The following SYT9 variants were observed in gnomAD, a reference collection of about 807,000 sequenced individuals.
SYT9 encodes synaptotagmin 9, also known as synaptotagmin-9.
Under a neutral mutation model 48.4 loss-of-function variants are expected in SYT9, and 22 were observed. The observed-to-expected ratio is 0.45, with a 90% confidence interval of 0.32 to 0.65. The LOEUF is 0.65. Ranked by LOEUF, SYT9 falls within the 30% of genes least tolerant of loss-of-function variation. SYT9 has a pLI of 0.03. For missense variants in SYT9, 577 were observed against 622.0 expected (o/e 0.93, Z 0.77); for synonymous variants, 265 against 245.0 (o/e 1.08, Z -0.76).
intron 1 of SYT9, among the ~76,000 whole-genome samples, chr11:7,262,701 C>T (rs76017513): frequency 0.021 from 3,231 of 152,138 alleles, 50 homozygotes; most frequent in Non-Finnish European, 0.033. Context: ...ACTGGGCACT[C>T]ACCATTGCAG....
intron 3 of SYT9, among the ~76,000 whole-genome samples, chr11:7,377,032 C>G (rs1396241158): frequency 6.7e-6 from 1 of 148,930 alleles, no homozygotes; most frequent in African/African-American, 2.5e-5. Flanking sequence ...TCTCCTTTAT[C>G]TAGTATGTAG....
intron 6 of SYT9, chr11:7,440,994 A>G (rs1377409066): frequency 6.6e-6 from 1 of 152,256 alleles, no homozygotes; most frequent in Non-Finnish European, 1.5e-5. Context: ...CCAGTGATTC[A>G]CAGGAGATAA....
At chr11:7,312,313 A>G (rs369403887) in intron 2 of SYT9, among the ~76,000 whole-genome samples, 1 of 152,192 alleles carries the variant, frequency 6.6e-6, no homozygotes, top group African/African-American at 2.4e-5. Context: ...GGGCAAATTC[A>G]AATGTTTACT....
chr11:7,334,634 C>CTCGCTGCCAACCATCCCCCCAA (rs760477407), intron 3 of SYT9, among the ~76,000 whole-genome samples: 1 of 139,936 alleles, frequency 7.1e-6, no homozygotes, highest in Non-Finnish European at 1.6e-5. Context: ...CCTGCCTCCA[C>CTCGCTGCCAACCATCCCCCCAA]TCCCTGCCAC....
At chr11:7,452,301 G>A (rs1455110601) in intron 6 of SYT9, among the ~76,000 whole-genome samples, 1 of 152,064 alleles carries the variant, frequency 6.6e-6, no homozygotes, top group Non-Finnish European at 1.5e-5. Flanking sequence ...GAATGTCCTG[G>A]CTCCCAGAGG....
At chr11:7,385,902 A>C (rs1391465950) in intron 3 of SYT9, among the ~76,000 whole-genome samples, 1 of 152,196 alleles carries the variant, frequency 6.6e-6, no homozygotes, top group African/African-American at 2.4e-5. Flanking sequence ...AATTAGAATC[A>C]GTCTGTCAAG....
chr11:7,385,585 A>G (rs534609450), intron 3 of SYT9, among the ~76,000 whole-genome samples: 1 of 152,248 alleles, frequency 6.6e-6, no homozygotes, highest in Non-Finnish European at 1.5e-5. Context: ...TAATCTGTAT[A>G]CCAAATCCCC....
chr11:7,257,465 C>T lies in SYT9; in HGVS notation c.145+5134C>T, dbSNP rs544931614. The stretch of plus-strand genomic sequence containing the variant: ...ATATAGAACCTTCACAAATGTCACC[C>T]TATGTTAAATTATAATGAAGTCACT... On this transcript the variant is annotated intron_variant, in intron 1 of 6. Transcript: ENST00000318881. Among the ~76,000 whole-genome samples, 222 of 151,896 alleles carry T rather than the reference C, an allele frequency of 1.5e-3. 1 individual carries two copies. In the South Asian group the frequency reaches 0.015, roughly 10 times the overall value.
At chr11:7,318,709 G>T (rs1052490519) in intron 3 of SYT9, among the ~76,000 whole-genome samples, 2 of 151,998 alleles carry the variant, frequency 1.3e-5, no homozygotes, top group African/African-American at 4.8e-5. Flanking sequence ...TTGTTTTATC[G>T]TATGCTATAA....
chr11:7,270,270 C>T (rs539029671), intron 1 of SYT9, among the ~76,000 whole-genome samples: 2 of 152,132 alleles, frequency 1.3e-5, no homozygotes, highest in African/African-American at 4.8e-5. Flanking sequence ...TTTTAATTCT[C>T]TCCCCTCAAG....
chr11:7,426,854 A>C (rs1166561375), intron 6 of SYT9, among the ~76,000 whole-genome samples: 1 of 152,142 alleles, frequency 6.6e-6, no homozygotes, highest in East Asian at 1.9e-4. Flanking sequence ...AACATTTGGA[A>C]TTTGGATCCC....
chr11:7,344,635 A>G (rs1391223131), intron 3 of SYT9, among the ~76,000 whole-genome samples: 1 of 152,192 alleles, frequency 6.6e-6, no homozygotes, highest in Non-Finnish European at 1.5e-5. Flanking sequence ...TGTATACTAT[A>G]AAGTTGTTCC....
At chr11:7,292,468 G>A (rs548813498) in intron 1 of SYT9, among the ~76,000 whole-genome samples, 1 of 152,292 alleles carries the variant, frequency 6.6e-6, no homozygotes, top group African/African-American at 2.4e-5. Context: ...AGGAGAGGGT[G>A]CAGGCGGCCC....
intron 3 of SYT9, among the ~76,000 whole-genome samples, chr11:7,414,263 T>C (rs903142349): frequency 6.6e-6 from 1 of 152,240 alleles, no homozygotes; most frequent in African/African-American, 2.4e-5. Context: ...TGTATTTACT[T>C]TGCCAAACCA....
rs933712999 is a variant in SYT9, at chr11:7,388,652, A to G, written c.1045-27390A>G. ...TCAATATAATTTTTTAGCATTTTAAATGTTTTGAAATTTATTATTTTTATT... is the reference window on the plus strand; with the variant it reads ...TCAATATAATTTTTTAGCATTTTAAGTGTTTTGAAATTTATTATTTTTATT... On this transcript the variant is annotated intron_variant, in intron 3 of 6. Coordinates refer to ENST00000318881, the MANE Select transcript of SYT9 (RefSeq NM_175733.4). Among the ~76,000 whole-genome samples, 13 of 152,264 alleles carry G rather than the reference A, an allele frequency of 8.5e-5. No individual in the cohort carries two copies. In the South Asian group the frequency reaches 2.5e-3, roughly 29 times the overall value.
At chr11:7,299,261 G>A (rs1848870358) in intron 1 of SYT9, among the ~76,000 whole-genome samples, 2 of 152,150 alleles carry the variant, frequency 1.3e-5, no homozygotes, top group African/African-American at 4.8e-5. Context: ...TGGGTCTGAG[G>A]TGGGAAGTAT....
chr11:7,451,944 C>T (rs1335053442), intron 6 of SYT9, among the ~76,000 whole-genome samples: 1 of 152,146 alleles, frequency 6.6e-6, no homozygotes, highest in Non-Finnish European at 1.5e-5. Flanking sequence ...TCTGACATTG[C>T]TGCTGGTTGG....
At chr11:7,253,215 A>G (rs921564515) in intron 1 of SYT9, among the ~76,000 whole-genome samples, 4 of 152,192 alleles carry the variant, frequency 2.6e-5, no homozygotes, top group African/African-American at 4.8e-5. Flanking sequence ...TTTGCTTGAG[A>G]TGTTTCTCAC....
intron 3 of SYT9, among the ~76,000 whole-genome samples, chr11:7,379,742 G>A (rs796416218): frequency 3.3e-5 from 5 of 152,156 alleles, no homozygotes; most frequent in African/African-American, 1.2e-4. Context: ...TCTTTCATCT[G>A]CTTACATATC....
Sources: allele counts gnomAD v4.1 joint callset (sites outside exome capture counted in the v4.1 genomes callset), GRCh38; gene constraint gnomAD v4.1.1; transcripts MANE v1.5; gene names NCBI Gene and HGNC (gene_info 2026-07-23, HGNC 2026-07-21).